PSMF1: variants seen among roughly 807,000 people sequenced by gnomAD.
PSMF1 encodes proteasome inhibitor PI31 subunit.
Under a neutral mutation model 29.3 loss-of-function variants are expected in PSMF1, and 30 were observed. The observed-to-expected ratio is 1.02, with a 90% CI of 0.77 to 1.39. The LOEUF (loss-of-function observed/expected upper bound fraction) is 1.39, where lower values mean the gene tolerates loss of function less well. Ranked by LOEUF, PSMF1 falls within the 40% of genes most tolerant of loss-of-function variation. PSMF1 has a pLI of 0.00. For synonymous variants in PSMF1, 134 were observed against 139.7 expected, an observed-to-expected ratio of 0.96 and a Z score of 0.29; for missense variants, 344 against 357.5, an observed-to-expected ratio of 0.96 and a Z score of 0.31.
At chr20:1,133,569 A>ATATATATATATTTTTTTTTTTTTT in intron 3 of PSMF1, among the ~76,000 whole-genome samples, 17 of 53,294 alleles carry the variant, frequency 3.2e-4, no homozygotes, top group South Asian at 6.8e-4. Context: ...ATATATATAT[A>ATATATATATATTTTTTTTTTTTTT]TTTTTTTTTT....
At chr20:1,124,717 T>G (rs913163253) in intron 1 of PSMF1, among the ~76,000 whole-genome samples, 42 of 152,256 alleles carry the variant, frequency 2.8e-4, no homozygotes, top group Non-Finnish European at 1.8e-4. Flanking sequence ...GTGAATCAGC[T>G]GTAGTTAAAT....
At chr20:1,118,311 C>G (rs7348188), upstream of PSMF1, 17,540 of 157,610 alleles carry the variant, frequency 0.11, 1,065 homozygotes, top group African/African-American at 0.15. Context: ...GTAGCAAGCA[C>G]GGCGAACGTG....
intron 4 of PSMF1, among the ~76,000 whole-genome samples, chr20:1,147,813 C>T (rs2086474019): frequency 2.0e-5 from 3 of 152,190 alleles, no homozygotes; most frequent in Admixed American, 2.0e-4. Flanking sequence ...AGCAACCAGG[C>T]ACTCACACTT....
In PSMF1 at chr20:1,168,731, A is replaced by G. The variant is rs1339130960; in HGVS notation, c.*3651A>G. 6.6e-6 allele frequency among the ~76,000 whole-genome samples: 1 copy of G among 152,194 alleles called. No individual in the cohort carries two copies. Among genetic ancestry groups the G allele is most frequent in the East Asian group, 1.9e-4 (1 of 5,200 alleles). On this transcript the variant is annotated 3_prime_UTR_variant, in exon 7 of 7. Coordinates refer to ENST00000335877, the MANE Select transcript of PSMF1 (RefSeq NM_006814.5). ...ATGGCCTCCCTTTCTACTGTTGTTA[A>G]TAACATTCTATTAATGATCCATGCC...
intron 4 of PSMF1, among the ~76,000 whole-genome samples, chr20:1,145,423 G>T (rs1167426865): frequency 2.0e-5 from 3 of 152,138 alleles, no homozygotes; most frequent in South Asian, 4.1e-4. Context: ...TTACCTGAAG[G>T]CTTCCCCAAG....
chr20:1,163,307 G>T lies in PSMF1; in HGVS notation c.605+124G>T. On this transcript the variant is annotated intron_variant, in intron 5 of 6. Coordinates refer to ENST00000335877, the MANE Select transcript of PSMF1 (RefSeq NM_006814.5). The surrounding 1 kb of genome is among the most constrained non-coding windows in gnomAD (Gnocchi z 6.1). The stretch of plus-strand genomic sequence containing the variant: ...CTTTGGGGTGGAGGAGGCAGTTGTT[G>T]CTGAGCAGCTGAGAAAGCACTGCCA... 1 of 1,069,790 alleles carries T rather than the reference G, an allele frequency of 9.3e-7. No homozygotes were observed. Among genetic ancestry groups the T allele is most frequent in the East Asian group, 2.6e-5 (1 of 38,828 alleles). 66.3% of individuals were successfully genotyped at this position (1,069,790 alleles called of 1,614,324 possible).
rs139008980 is a variant in PSMF1 at position 1,155,413 on chromosome 20, G to C, written c.552-7717G>C. The stretch of plus-strand genomic sequence containing the variant: ...TCTCAAGAGTATGAGACAAACCACT[G>C]TTGCTTTTTTCTTCCCTTTGTCCTC... On this transcript the variant is annotated intron_variant, in intron 4 of 6. Coordinates refer to ENST00000335877, the MANE Select transcript of PSMF1 (RefSeq NM_006814.5). 3.6e-4 allele frequency among the ~76,000 whole-genome samples: 55 copies of C among 152,310 alleles called. 1 individual carries two copies. The highest frequency in any genetic ancestry group is 9.1e-4 in the African/African-American group (38 of 41,560).
upstream of PSMF1, among the ~76,000 whole-genome samples, chr20:1,113,703 G>T (rs6077779): frequency 0.27 from 41,060 of 151,344 alleles, 5,814 homozygotes; most frequent in Middle Eastern, 0.31. Context: ...TTGTTTTTTG[G>T]TTTTTTTGAG....
At chr20:1,123,984 C>G (rs2086122578) in intron 1 of PSMF1, among the ~76,000 whole-genome samples, 2 of 152,226 alleles carry the variant, frequency 1.3e-5, no homozygotes, top group South Asian at 4.1e-4. Flanking sequence ...TTTTCTTGTT[C>G]ATATCTTTTG....
chr20:1,134,778 G>A (rs1289990304), intron 3 of PSMF1: 1 of 375,016 alleles, frequency 2.7e-6, no homozygotes, highest in African/African-American at 2.1e-5. Context: ...GACACGTGAT[G>A]AACACACAAT....
rs2086741525 is a variant in PSMF1 at position 1,167,258 on chromosome 20, C to T, written c.*2178C>T. On this transcript the variant is annotated 3_prime_UTR_variant, in exon 7 of 7. Coordinates refer to ENST00000335877, the MANE Select transcript of PSMF1 (RefSeq NM_006814.5). ...CATCAAGGAGCAAGTTGGAGTGTTT[C>T]AGGTGTATATTTTGTAGAACCCAAA... The T allele has an allele frequency of 6.6e-6, 1 of 151,968 alleles. No homozygotes were observed. Among genetic ancestry groups the T allele is most frequent in the African/African-American group, 2.4e-5 (1 of 41,236 alleles). 9.4% of individuals were successfully genotyped at this position (151,968 alleles called of 1,614,324 possible). A position where few individuals can be genotyped will look rare whatever the true frequency, so the allele number is the denominator to read the frequency against.
In PSMF1 at chr20:1,164,615, C is replaced by G; in HGVS notation, c.764+139C>G. On this transcript the variant is annotated intron_variant, in intron 6 of 6. Transcript: ENST00000335877. This position sits in a 1 kb window ranked among gnomAD's most constrained non-coding sequence, Gnocchi z 4.1. ...TGCTGCCAGGAGAGTGGAGCCTCCT[C>G]CAGGGCCCTGCCTGATTTCTCCCTG... 2 of 1,175,478 alleles carry G rather than the reference C, an allele frequency of 1.7e-6. No individual in the cohort carries two copies. The highest frequency in any genetic ancestry group is 2.4e-6 in the Non-Finnish European group (2 of 839,232). The allele number at this position is 1,175,478 out of a possible 1,614,324, so 72.8% of individuals were successfully genotyped here. A position where few individuals can be genotyped will look rare whatever the true frequency, so the allele number is the denominator to read the frequency against.
intron 4 of PSMF1, among the ~76,000 whole-genome samples, chr20:1,157,556 AG>A (rs913947245): frequency 3.5e-4 from 52 of 149,126 alleles, no homozygotes; most frequent in African/African-American, 1.3e-3. Context: ...ATGATAAAGG[AG>A]AAAGGAAATA....
At chr20:1,152,342 T>A (rs889730048) in intron 4 of PSMF1, among the ~76,000 whole-genome samples, 1 of 152,230 alleles carries the variant, frequency 6.6e-6, no homozygotes, top group African/African-American at 2.4e-5. Flanking sequence ...CCTTAGTATT[T>A]CCAACTTTTG....
intron 4 of PSMF1, among the ~76,000 whole-genome samples, chr20:1,144,312 G>T (rs545651021): frequency 6.6e-6 from 1 of 152,306 alleles, no homozygotes; most frequent in African/African-American, 2.4e-5. Flanking sequence ...ACTGGATCAT[G>T]TACACTGCTG....
Position 1,170,744 on chromosome 20 carries a change from G to A in PSMF1, c.*5664G>A, listed in dbSNP as rs574203417. Among the ~76,000 whole-genome samples the A allele has an allele frequency of 5.9e-5, 9 of 152,056 alleles. No homozygotes were observed. Among genetic ancestry groups the A allele is most frequent in the African/African-American group, 2.2e-4 (9 of 41,458 alleles). ...TGTGTCTTATTAACAGAGAGTTGGG[G>A]CTCGGTGGGTGCTTGCTGCAATTGT... is the stretch of plus-strand genomic sequence containing the variant. On this transcript the variant is annotated 3_prime_UTR_variant, in exon 7 of 7. Coordinates refer to ENST00000335877, the MANE Select transcript of PSMF1 (RefSeq NM_006814.5).
At chr20:1,157,326 T>G (rs2086606303) in intron 4 of PSMF1, among the ~76,000 whole-genome samples, 1 of 152,208 alleles carries the variant, frequency 6.6e-6, no homozygotes, top group Non-Finnish European at 1.5e-5. Context: ...GCACTCAGTA[T>G]TAACCATCAC....
At chr20:1,120,710 TG>T (rs931805147) in intron 1 of PSMF1, among the ~76,000 whole-genome samples, 1 of 152,188 alleles carries the variant, frequency 6.6e-6, no homozygotes, top group African/African-American at 2.4e-5. Context: ...GATTTTGACC[TG>T]GGATCTCCTC....
At chr20:1,127,555 A>G in intron 3 of PSMF1, 47 bp downstream of exon 3, 3 of 1,453,100 alleles carry the variant, frequency 2.1e-6, no homozygotes, top group Non-Finnish European at 2.9e-6. Context: ...AGAGAGAACT[A>G]ATGGCAAGAT....
Sources: gnomAD v4.1 joint callset for allele counts (sites outside exome capture counted in the v4.1 genomes callset) on GRCh38, gnomAD v4.1.1 for gene constraint, Gnocchi (gnomAD v3.1) non-coding constraint, MANE v1.5 for transcripts, NCBI Gene and HGNC (gene_info 2026-07-23, HGNC 2026-07-21) for gene names.